The following SH3RF3 variants were observed in gnomAD, a reference collection of about 807,000 sequenced individuals.
SH3RF3 encodes the protein E3 ubiquitin-protein ligase SH3RF3.
In SH3RF3, 29 loss-of-function variants were observed where a neutral mutation model predicts 66.3. The observed-to-expected ratio is 0.44, with a 90% CI of 0.33 to 0.60. The LOEUF (loss-of-function observed/expected upper bound fraction) is 0.60, where lower values mean the gene tolerates loss of function less well. Ranked by LOEUF, SH3RF3 falls within the 20% of genes least tolerant of loss-of-function variation. The pLI, the probability that SH3RF3 is intolerant of heterozygous loss-of-function variation, is 0.04. For missense variants in SH3RF3, 1,194 were observed against 1,190.9 expected (o/e 1.00, Z -0.04); for synonymous variants, 583 against 532.0 (o/e 1.10, Z -1.32).
intron 4 of SH3RF3, among the ~76,000 whole-genome samples, chr2:109,402,855 C>A (rs1014449345): frequency 6.6e-6 from 1 of 152,170 alleles, no homozygotes; most frequent in African/African-American, 2.4e-5. Flanking sequence ...GTTATTGAAT[C>A]CTCATTGAAC....
chr2:109,144,941 C>T (rs941149158), intron 1 of SH3RF3, among the ~76,000 whole-genome samples: 4 of 152,320 alleles, frequency 2.6e-5, no homozygotes, highest in South Asian at 2.1e-4. Context: ...GTGGGGTGAG[C>T]GCGTTCAGTG....
intron 1 of SH3RF3, among the ~76,000 whole-genome samples, chr2:109,229,481 G>A (rs1182019730): frequency 6.6e-6 from 1 of 152,126 alleles, no homozygotes; most frequent in Non-Finnish European, 1.5e-5. Context: ...TCTCAGACTG[G>A]TCCTGGGGTG....
chr2:109,390,259 C>G (rs927895610), intron 3 of SH3RF3, among the ~76,000 whole-genome samples: 2 of 152,172 alleles, frequency 1.3e-5, no homozygotes, highest in Non-Finnish European at 2.9e-5. Context: ...CAGTTTATCT[C>G]CTTTTAGGTT....
At chr2:109,455,503 A>G (rs1425150022) in intron 8 of SH3RF3, among the ~76,000 whole-genome samples, 1 of 147,796 alleles carries the variant, frequency 6.8e-6, no homozygotes, top group African/African-American at 2.5e-5. Flanking sequence ...CATTAAATAT[A>G]TGTATATCTC....
intron 1 of SH3RF3, among the ~76,000 whole-genome samples, chr2:109,140,342 T>G (rs1479536888): frequency 6.6e-6 from 1 of 152,298 alleles, no homozygotes; most frequent in African/African-American, 2.4e-5. Context: ...CTTTACATAC[T>G]GATGTTCTTT....
intron 1 of SH3RF3, among the ~76,000 whole-genome samples, chr2:109,317,741 C>G (rs915661760): frequency 7.9e-5 from 12 of 152,178 alleles, no homozygotes; most frequent in Admixed American, 5.2e-4. Context: ...GAGGGTGCCT[C>G]CCTGTGAACA....
Position 109,129,293 on chromosome 2 carries a change from C to G in SH3RF3, c.-248C>G. 1 of 699,450 alleles carries G rather than the reference C, an allele frequency of 1.4e-6. No individual in the cohort carries two copies. The highest frequency in any genetic ancestry group is 2.4e-6 in the Non-Finnish European group (1 of 421,078). 43.3% of individuals were successfully genotyped at this position (699,450 alleles called of 1,614,324 possible). On this transcript the variant is annotated 5_prime_UTR_variant, in exon 1 of 10. Coordinates refer to ENST00000309415, the MANE Select transcript of SH3RF3 (RefSeq NM_001099289.3). ...GCGGGACAGGTGTAGCCCGCAGCCGCAGGCGCTGCGCTCAGGACTGGGCGG... is the reference window on the plus strand; with the variant it reads ...GCGGGACAGGTGTAGCCCGCAGCCGGAGGCGCTGCGCTCAGGACTGGGCGG...
chr2:109,250,463 A>G (rs1156743952), intron 1 of SH3RF3, among the ~76,000 whole-genome samples: 1 of 151,954 alleles, frequency 6.6e-6, no homozygotes, highest in Non-Finnish European at 1.5e-5. Flanking sequence ...CGGAAAACTT[A>G]CCAGGTTTAA....
intron 1 of SH3RF3, among the ~76,000 whole-genome samples, chr2:109,166,025 C>T (rs1290691064): frequency 6.6e-6 from 1 of 152,166 alleles, no homozygotes; most frequent in Non-Finnish European, 1.5e-5. Flanking sequence ...GTTTGCTGCT[C>T]ATTCTGTAGA....
intron 1 of SH3RF3, among the ~76,000 whole-genome samples, chr2:109,346,931 G>T (rs936498069): frequency 1.3e-5 from 2 of 152,168 alleles, no homozygotes; most frequent in Non-Finnish European, 2.9e-5. Context: ...ATGGTGGGGG[G>T]GTCTGTGATG....
intron 6 of SH3RF3, 99 bp downstream of exon 6, chr2:109,432,770 C>G (rs948324783): frequency 3.5e-6 from 5 of 1,448,142 alleles, no homozygotes; most frequent in Admixed American, 2.5e-5. Context: ...CAGCCGGGCC[C>G]AGAAGGCAGC....
intron 1 of SH3RF3, among the ~76,000 whole-genome samples, chr2:109,142,051 G>T (rs935282530): frequency 3.3e-5 from 5 of 151,538 alleles, no homozygotes; most frequent in Non-Finnish European, 5.9e-5. Context: ...CCTGGGGGGG[G>T]GGTCTCAGGT....
chr2:109,256,009 T>C (rs1024260087), intron 1 of SH3RF3, among the ~76,000 whole-genome samples: 1 of 152,154 alleles, frequency 6.6e-6, no homozygotes, highest in Admixed American at 6.5e-5. Context: ...TGCTTGTATG[T>C]AAATGTACAT....
intron 1 of SH3RF3, among the ~76,000 whole-genome samples, chr2:109,143,729 G>A (rs1484271516): frequency 2.6e-5 from 4 of 151,854 alleles, no homozygotes; most frequent in Non-Finnish European, 2.9e-5. Context: ...ACTCCAGCCT[G>A]GGCAACAGAG....
chr2:109,322,195 G>A (rs1682042124), intron 1 of SH3RF3, among the ~76,000 whole-genome samples: 1 of 152,150 alleles, frequency 6.6e-6, no homozygotes, highest in South Asian at 2.1e-4. Context: ...GCCCCTTCAA[G>A]CATTCTGGAA....
At chr2:109,272,217 T>C (rs1349667959) in intron 1 of SH3RF3, among the ~76,000 whole-genome samples, 1 of 152,198 alleles carries the variant, frequency 6.6e-6, no homozygotes, top group Non-Finnish European at 1.5e-5. Context: ...TCTGACAGCC[T>C]TTTTCCTAGT....
chr2:109,304,749 G>T (rs997864215), intron 1 of SH3RF3, among the ~76,000 whole-genome samples: 1 of 152,194 alleles, frequency 6.6e-6, no homozygotes, highest in African/African-American at 2.4e-5. Flanking sequence ...CTAGGGAGAG[G>T]TGCAGCCTGT....
In SH3RF3 at chr2:109,436,089, C is replaced by T. The variant is rs539567617; in HGVS notation, c.1575-804C>T. Among the ~76,000 whole-genome samples, 24 of 152,234 alleles carry T rather than the reference C, an allele frequency of 1.6e-4. No individual in the cohort carries two copies. In the South Asian group the frequency reaches 5.0e-3, roughly 32 times the overall value. On this transcript the variant is annotated intron_variant, in intron 6 of 9. Coordinates refer to ENST00000309415, the MANE Select transcript of SH3RF3 (RefSeq NM_001099289.3). ...CAGGCACAGGAGACGGGGCAGGCAGCCTGTTCTCCCACCTGTGGCTTCTTG... is the reference window on the plus strand; with the variant it reads ...CAGGCACAGGAGACGGGGCAGGCAGTCTGTTCTCCCACCTGTGGCTTCTTG...
intron 4 of SH3RF3, among the ~76,000 whole-genome samples, chr2:109,416,809 G>A (rs1262350118): frequency 1.3e-5 from 2 of 151,652 alleles, no homozygotes; most frequent in Non-Finnish European, 2.9e-5. Flanking sequence ...AGGAGGCTAA[G>A]TCGGGAGAAT....
Sources: allele counts gnomAD v4.1 joint callset (sites outside exome capture counted in the v4.1 genomes callset), GRCh38; gene constraint gnomAD v4.1.1; transcripts MANE v1.5; gene names NCBI Gene and HGNC (gene_info 2026-07-23, HGNC 2026-07-21).